Variants in TNRC18 observed in about 807,000 individuals in gnomAD.
TNRC18 encodes the protein trinucleotide repeat containing 18.
A neutral mutation model predicts 226.7 loss-of-function variants in TNRC18; 69 were observed. The ratio of observed to expected loss-of-function variants is 0.30; its 90% CI spans 0.25 to 0.37. TNRC18 has a LOEUF of 0.37. TNRC18 is among the 10% of genes least tolerant of loss of function. The pLI, the probability that TNRC18 is intolerant of heterozygous loss-of-function variation, is 1.00. For synonymous variants in TNRC18, 2,449 were observed against 1,927.6 expected (o/e 1.27, Z -7.09); for missense variants, 4,754 against 4,256.6 (o/e 1.12, Z -3.25).
At chr7:5,339,937 T>C (rs1402593603) in intron 18 of TNRC18, among the ~76,000 whole-genome samples, 2 of 151,644 alleles carry the variant, frequency 1.3e-5, no homozygotes, top group African/African-American at 4.8e-5. Context: ...CCAACCGGCC[T>C]TCCTCATCTC....
At chr7:5,370,341 G>T (rs1025144931) in intron 11 of TNRC18, 34 bp downstream of exon 11, 3 of 1,516,444 alleles carry the variant, frequency 2.0e-6, no homozygotes, top group Middle Eastern at 1.8e-4. Flanking sequence ...TAAAACTCAC[G>T]AATCTGCAGA....
At chr7:5,347,886 C>A (rs1791366247) in intron 17 of TNRC18, among the ~76,000 whole-genome samples, 1 of 151,002 alleles carries the variant, frequency 6.6e-6, no homozygotes, top group South Asian at 2.1e-4. Flanking sequence ...ACCCCGGAGG[C>A]GGAGGTTACA....
At chr7:5,330,954 T>C (rs988536910) in intron 19 of TNRC18, among the ~76,000 whole-genome samples, 1 of 152,142 alleles carries the variant, frequency 6.6e-6, no homozygotes, top group Non-Finnish European at 1.5e-5. Context: ...GGATTACAGG[T>C]GTGTGCCACC....
chr7:5,401,043 T>A (rs1057345093), intron 2 of TNRC18, among the ~76,000 whole-genome samples: 1 of 152,028 alleles, frequency 6.6e-6, no homozygotes, highest in African/African-American at 2.4e-5. Flanking sequence ...AAAAAAAATT[T>A]ATTAAAAATT....
At chr7:5,410,610 A>T (rs1390478126) in intron 2 of TNRC18, among the ~76,000 whole-genome samples, 1 of 152,054 alleles carries the variant, frequency 6.6e-6, no homozygotes, top group East Asian at 1.9e-4. Context: ...TCACGCCTGT[A>T]ATCTCAGCAC....
intron 14 of TNRC18, 140 bp downstream of exon 14, chr7:5,361,454 C>T (rs1793038823): frequency 1.8e-6 from 2 of 1,086,580 alleles, no homozygotes; most frequent in Non-Finnish European, 1.3e-6. Flanking sequence ...GCCGTGCTCC[C>T]CGAGGGCCAC....
chr7:5,391,656 GA>G (rs938018542), intron 3 of TNRC18, among the ~76,000 whole-genome samples: 1 of 147,474 alleles, frequency 6.8e-6, no homozygotes, highest in Non-Finnish European at 1.5e-5. Context: ...GACCTTGCAG[GA>G]CAAAGAAAGA....
chr7:5,397,576 A>G (rs1450512967), intron 2 of TNRC18, among the ~76,000 whole-genome samples: 1 of 152,094 alleles, frequency 6.6e-6, no homozygotes, highest in African/African-American at 2.4e-5. Context: ...CCACTCAGCT[A>G]TGGCGATGAG....
chr7:5,357,013 T>C lies in TNRC18; in HGVS notation c.5097A>G (p.Ala1699=), dbSNP rs1247432562. 23 of 1,552,346 alleles carry C rather than the reference T, an allele frequency of 1.5e-5. No individual in the cohort carries two copies. The highest frequency in any genetic ancestry group is 2.0e-5 in the Non-Finnish European group (23 of 1,147,134). ...KSSREGKHKR[A]AKTRKMEVGF... The stretch of plus-strand genomic sequence containing the variant: ...CCACCTCCATCTTCCTGGTTTTGGC[T>C]GCCCTTTTGTGTTTACCTTCTCTGG... The change falls in exon 16 of 30, where the codon GCA becomes GCG. Residue 1699 remains alanine (A), a synonymous_variant. Transcript: ENST00000430969.
At chr7:5,413,870 C>G (rs1781993310) in intron 2 of TNRC18, among the ~76,000 whole-genome samples, 1 of 152,062 alleles carries the variant, frequency 6.6e-6, no homozygotes, top group Non-Finnish European at 1.5e-5. Flanking sequence ...GAAATCATTT[C>G]CAATTCAGAG....
At chr7:5,373,189 T>C (rs67298641) in intron 10 of TNRC18, among the ~76,000 whole-genome samples, 12,909 of 152,070 alleles carry the variant, frequency 0.085, 602 homozygotes, top group South Asian at 0.15. Flanking sequence ...CCAAGTCCAG[T>C]GATGCGTGCC....
intron 18 of TNRC18, among the ~76,000 whole-genome samples, chr7:5,341,311 C>A (rs545105345): frequency 6.7e-6 from 1 of 149,074 alleles, no homozygotes; most frequent in Non-Finnish European, 1.5e-5. Flanking sequence ...CTCACCTACT[C>A]GGGAGGCTGA....
At chr7:5,397,646 G>T (rs116476233) in intron 2 of TNRC18, among the ~76,000 whole-genome samples, 138 of 152,246 alleles carry the variant, frequency 9.1e-4, no homozygotes, top group African/African-American at 3.2e-3. Context: ...CCCTGGTCAC[G>T]TCAGGAGCCT....
At position 5,387,762 on chromosome 7, in the gene TNRC18, C is replaced by A. The variant is rs763175735; in HGVS notation, c.2062G>T (p.Val688Leu). 2 of 1,608,308 alleles carry A rather than the reference C, an allele frequency of 1.2e-6. No individual in the cohort carries two copies. The highest frequency in any genetic ancestry group is 4.5e-5 in the East Asian group (2 of 44,862). ...CCGCCACTGTCCTTCTGCCGGGCCA[C>A]AGCCACTGCAATGCCCACAGGCGGG... ...RHPPVGIAVA[V>L]ARQKDSGGSG... Residue 688 changes from valine to leucine, a missense_variant, in exon 5 of 30, where the codon GTG becomes TTG. Physicochemically the swap from Val to Leu is conservative, Grantham distance 32. Coordinates refer to ENST00000430969, the MANE Select transcript of TNRC18 (RefSeq NM_001080495.3).
Position 5,374,477 on chromosome 7 carries a change from C to A in TNRC18, c.2807G>T (p.Arg936Leu). The change falls in exon 10 of 30, where the codon CGG (arginine) becomes CTG (leucine). Residue 936 changes from arginine (R) to leucine (L), a missense_variant. Coordinates refer to ENST00000430969, the MANE Select transcript of TNRC18 (RefSeq NM_001080495.3). ...CGCCCGGTGCTCCTGCGCCTTCAACCGCTCCTGCTGGGAAGGGGCCGGCAG... is the reference window on the plus strand; with the variant it reads ...CGCCCGGTGCTCCTGCGCCTTCAACAGCTCCTGCTGGGAAGGGGCCGGCAG... ...LQRSAQLVQE[R>L]LKAQEHRAEM... 1 of 1,546,570 alleles carries A rather than the reference C, an allele frequency of 6.5e-7. No individual in the cohort carries two copies. Among genetic ancestry groups the A allele is most frequent in the Non-Finnish European group, 8.7e-7 (1 of 1,145,472 alleles).
Position 5,324,425 on chromosome 7 carries a change from T to G in TNRC18, c.6301-70A>C. On this transcript the variant is annotated intron_variant, in intron 20 of 29. Transcript: ENST00000430969. The surrounding 1 kb of genome is among the most constrained non-coding windows in gnomAD (Gnocchi z 4.8). ...GGGTCCTGCCGGGTTGGGGACCCTC[T>G]CTGGAAACCTGGAGCCACAGTCAGG... The G allele has an allele frequency of 6.4e-7, 1 of 1,571,440 alleles. No individual in the cohort carries two copies. The highest frequency in any genetic ancestry group is 1.1e-5 in the South Asian group (1 of 88,082).
At chr7:5,329,135 T>C (rs1789245440) in intron 19 of TNRC18, among the ~76,000 whole-genome samples, 1 of 151,388 alleles carries the variant, frequency 6.6e-6, no homozygotes, top group African/African-American at 2.4e-5. Context: ...AAACCTTGTC[T>C]CTACTAAAAA....
intron 18 of TNRC18, among the ~76,000 whole-genome samples, chr7:5,342,380 G>T (rs188341540): frequency 6.6e-6 from 1 of 150,660 alleles, no homozygotes; most frequent in African/African-American, 2.4e-5. Flanking sequence ...AGTGAGCCGA[G>T]ATCGCACCGC....
intron 19 of TNRC18, 107 bp downstream of exon 19, chr7:5,332,515 G>A (rs933196217): frequency 5.5e-6 from 7 of 1,278,706 alleles, no homozygotes; most frequent in Admixed American, 3.4e-5. Context: ...CCGAGTACAT[G>A]GTTATTAACA....
Sources: gnomAD v4.1 joint callset for allele counts (sites outside exome capture counted in the v4.1 genomes callset) on GRCh38, gnomAD v4.1.1 for gene constraint, Gnocchi (gnomAD v3.1) non-coding constraint, MANE v1.5 for transcripts, NCBI Gene and HGNC (gene_info 2026-07-23, HGNC 2026-07-21) for gene names.